ZNF415: variants seen among roughly 807,000 people sequenced by gnomAD.
ZNF415 encodes the protein zinc finger protein 415.
In ZNF415, 5 loss-of-function variants were observed where a neutral mutation model predicts 7.3. The observed-to-expected ratio is 0.69, with a 90% CI of 0.36 to 1.44. ZNF415 has a LOEUF of 1.44. Ranked by LOEUF, ZNF415 falls within the 40% of genes most tolerant of loss-of-function variation. The pLI is 0.04. For synonymous variants in ZNF415, 207 were observed against 226.3 expected (o/e 0.91, Z 0.77); for missense variants, 628 against 664.8 (o/e 0.94, Z 0.61).
intron 2 of ZNF415, among the ~76,000 whole-genome samples, chr19:53,120,111 A>G (rs1291639317): frequency 6.6e-6 from 1 of 152,142 alleles, no homozygotes; most frequent in East Asian, 1.9e-4. Flanking sequence ...CCTCCTGAAC[A>G]CAGATGTAAA....
intron 1 of ZNF415, chr19:53,124,347 G>A (rs2088657823): frequency 6.6e-6 from 1 of 152,492 alleles, no homozygotes; most frequent in East Asian, 1.9e-4. Flanking sequence ...TTAGGGTGGA[G>A]GGTGAAGGGG....
chr19:53,109,532 A>G lies in ZNF415; in HGVS notation c.513T>C (p.His171=), dbSNP rs144475671. The G allele has an allele frequency of 7.9e-4, 1,269 of 1,614,100 alleles. 15 individuals carry two copies. The African/African-American group carries it at 0.015, about 19-fold the overall frequency. The change falls in exon 4 of 4, where the codon CAT becomes CAC. Residue 171 remains histidine, a synonymous_variant. Transcript: ENST00000243643. ...ECNHVEKSVN[H]GSSVSPPQII... is the part of the protein sequence containing the mutation. Reference sequence around the variant, plus strand: ...TTTGGGGTGGTGAAACTGAGGAACCATGGTTGACAGACTTCTCAACATGGT... The same window carrying G: ...TTTGGGGTGGTGAAACTGAGGAACCGTGGTTGACAGACTTCTCAACATGGT...
In ZNF415 at chr19:53,113,537, G is replaced by C. The variant is rs1484197352; in HGVS notation, c.136+2776C>G. Among the ~76,000 whole-genome samples the C allele has an allele frequency of 1.4e-4, 20 of 144,072 alleles. 3 individuals are homozygous for C. Among genetic ancestry groups the C allele is most frequent in the Admixed American group, 4.1e-4 (6 of 14,476 alleles). 94.5% of individuals were successfully genotyped at this position (144,072 alleles called of 152,430 possible). On this transcript the variant is annotated intron_variant, in intron 3 of 3. Coordinates refer to ENST00000243643, the MANE Select transcript of ZNF415 (RefSeq NM_018355.4). ...AAAAAAAAAAAAAAAAAAAAAAACC[G>C]AGGCATTACAGCAGTGTAAAGCAAA...
At position 53,109,743 on chromosome 19, in the gene ZNF415, C is replaced by G; in HGVS notation, c.302G>C (p.Arg101Thr). 1 of 1,614,056 alleles carries G rather than the reference C, an allele frequency of 6.2e-7. No homozygotes were observed. Among genetic ancestry groups the G allele is most frequent in the Non-Finnish European group, 8.5e-7 (1 of 1,179,998 alleles). The change falls in exon 4 of 4, where the codon AGA becomes ACA. Residue 101 changes from arginine to threonine, a missense_variant. Physicochemically the swap from Arg to Thr is moderately conservative, Grantham distance 71. Coordinates refer to ENST00000243643, the MANE Select transcript of ZNF415 (RefSeq NM_018355.4). ...TTTGTTGCAATTTCTTTCATCATCT[C>G]TCCACTGACAGTCAAAGTCGTGTAT... ...KKIHDFDCQWRDDERNCNKVT... is the reference protein window; with the variant it reads ...KKIHDFDCQWTDDERNCNKVT...
intron 1 of ZNF415, chr19:53,129,851 G>A (rs530117076): frequency 8.1e-6 from 3 of 370,086 alleles, no homozygotes; most frequent in Non-Finnish European, 1.4e-5. Context: ...ATTACTTGAG[G>A]CCAGGAGTTT....
At chr19:53,121,872 C>T (rs528428655) in intron 2 of ZNF415, among the ~76,000 whole-genome samples, 7 of 152,188 alleles carry the variant, frequency 4.6e-5, no homozygotes, top group African/African-American at 1.4e-4. Context: ...CTAGTTTTAT[C>T]TGGATTACAA....
At chr19:53,114,179 G>C (rs578068835) in intron 3 of ZNF415, among the ~76,000 whole-genome samples, 3 of 152,168 alleles carry the variant, frequency 2.0e-5, no homozygotes, top group Non-Finnish European at 4.4e-5. Flanking sequence ...ATCAAAAGCT[G>C]GGTTTGTTTT....
chr19:53,131,323 G>C (rs116868150), intron 1 of ZNF415, among the ~76,000 whole-genome samples: 2,649 of 152,086 alleles, frequency 0.017, 35 homozygotes, highest in Non-Finnish European at 0.026. Flanking sequence ...AATGAGTCAA[G>C]TCACTTCCCT....
chr19:53,115,546 G>A lies in ZNF415; in HGVS notation c.136+767C>T, dbSNP rs553107358. ...ACAGCAAAAGGATCAACTATGACACGTCTCAAGAGCAGAGGGAGAAGTAGG... is the reference window on the plus strand; with the variant it reads ...ACAGCAAAAGGATCAACTATGACACATCTCAAGAGCAGAGGGAGAAGTAGG... On this transcript the variant is annotated intron_variant, in intron 3 of 3. Transcript: ENST00000243643. 1.2e-4 allele frequency among the ~76,000 whole-genome samples: 19 copies of A among 152,242 alleles called. No individual in the cohort carries two copies. The East Asian group carries it at 1.4e-3, about 11-fold the overall frequency.
In ZNF415 at chr19:53,109,609, G is replaced by A; in HGVS notation, c.436C>T (p.His146Tyr). 1 of 1,614,156 alleles carries A rather than the reference G, an allele frequency of 6.2e-7. No individual in the cohort carries two copies. ...TGAAACTGCTGCAGTTCATGGGGAT[G>A]TGGTAGAAAGCTTAATCCAAGCTGA... ...KHQLGLSFLPHPHELQQFQAE... is the reference protein window; with the variant it reads ...KHQLGLSFLPYPHELQQFQAE... Residue 146 changes from histidine (H) to tyrosine (Y), a missense_variant, in exon 4 of 4, where the codon CAT becomes TAT. His to Tyr is a moderately conservative substitution (Grantham distance 83). Coordinates refer to ENST00000243643, the MANE Select transcript of ZNF415 (RefSeq NM_018355.4).
intron 1 of ZNF415, among the ~76,000 whole-genome samples, chr19:53,130,986 G>A (rs959836544): frequency 8.0e-5 from 12 of 149,318 alleles, no homozygotes; most frequent in Non-Finnish European, 1.8e-4. Flanking sequence ...TGTCCAATCC[G>A]CAGCCCAGGA....
At chr19:53,113,934 G>A (rs1369428241) in intron 3 of ZNF415, among the ~76,000 whole-genome samples, 4 of 152,302 alleles carry the variant, frequency 2.6e-5, no homozygotes, top group South Asian at 2.1e-4. Flanking sequence ...AGTCAGGCTC[G>A]CCTGATATTT....
chr19:53,127,870 C>T (rs893587710), intron 1 of ZNF415, among the ~76,000 whole-genome samples: 17 of 119,034 alleles, frequency 1.4e-4, no homozygotes, highest in Non-Finnish European at 2.3e-4. Flanking sequence ...AGCGAGACAC[C>T]GTCTCAAAAA....
chr19:53,113,228 G>GAAAAAAA lies in ZNF415; in HGVS notation c.136+3084_136+3085insTTTTTTT, dbSNP rs1479406502. 6.8e-4 allele frequency among the ~76,000 whole-genome samples: 19 copies of GAAAAAAA among 27,994 alleles called. 2 individuals carry two copies. Among genetic ancestry groups the GAAAAAAA allele is most frequent in the African/African-American group, 2.3e-3 (18 of 7,994 alleles). The allele number at this position is 27,994 out of a possible 152,430, so 18.4% of individuals were successfully genotyped here. A position where few individuals can be genotyped will look rare whatever the true frequency, so the allele number is the denominator to read the frequency against. ...CTGGACTTTAAAAACCGAGGCATTG[G>GAAAAAAA]CCGGGCGCGGTGGCTCACGCCTGTA... On this transcript the variant is annotated intron_variant, in intron 3 of 3. Transcript: ENST00000243643.
At chr19:53,127,176 C>T (rs1012825982) in intron 1 of ZNF415, among the ~76,000 whole-genome samples, 1 of 149,116 alleles carries the variant, frequency 6.7e-6, no homozygotes, top group Non-Finnish European at 1.5e-5. Flanking sequence ...CCCACAGACG[C>T]CCCCACAACA....
chr19:53,109,066 G>A lies in ZNF415; in HGVS notation c.979C>T (p.Pro327Ser). The change falls in exon 4 of 4, where the codon CCT becomes TCT. Residue 327 changes from proline to serine, a missense_variant. By Grantham distance (74) the Pro-to-Ser change is moderately conservative. Transcript: ENST00000243643. ...LHQKTHIGEK[P>S]YTCKECGKAF... ...TTGCCACACTCTTTACATGTGTAAG[G>A]TTTCTCTCCAATATGAGTTTTCTGA... is the stretch of plus-strand genomic sequence containing the variant. The A allele has an allele frequency of 1.9e-6, 3 of 1,612,384 alleles. No homozygotes were observed. The highest frequency in any genetic ancestry group is 1.7e-6 in the Non-Finnish European group (2 of 1,178,624).
chr19:53,109,131 C>G lies in ZNF415; in HGVS notation c.914G>C (p.Cys305Ser). 6.2e-7 allele frequency: 1 copy of G among 1,614,096 alleles called. No homozygotes were observed. Among genetic ancestry groups the G allele is most frequent in the Non-Finnish European group, 8.5e-7 (1 of 1,180,032 alleles). Residue 305 changes from cysteine to serine, a missense_variant, in exon 4 of 4, where the codon TGT (cysteine) becomes TCT (serine). Physicochemically the swap from Cys to Ser is moderately radical, Grantham distance 112 (BLOSUM62 -1). Transcript: ENST00000243643. ...TGEKPYKCYE[C>S]DKVFSRNSCL... Reference sequence around the variant, plus strand: ...TGAATTTCGACTGAAGACCTTGTCACACTCATAACATTTGTAAGGTTTCTC... The same window carrying G: ...TGAATTTCGACTGAAGACCTTGTCAGACTCATAACATTTGTAAGGTTTCTC...
At position 53,116,844 on chromosome 19, in the gene ZNF415, C is replaced by G. The variant is rs141139451; in HGVS notation, c.16-411G>C. ...AAAATTTCAGAACTTGAAGACAGGT[C>G]TTTTGAAATAAACGAGTCAGACAAA... On this transcript the variant is annotated intron_variant, in intron 2 of 3. Transcript: ENST00000243643. Among the ~76,000 whole-genome samples the G allele has an allele frequency of 4.5e-4, 69 of 151,946 alleles. 1 individual carries two copies. The East Asian group carries it at 0.012, about 27-fold the overall frequency.
At chr19:53,112,528 G>A (rs2086382894) in intron 3 of ZNF415, among the ~76,000 whole-genome samples, 1 of 152,194 alleles carries the variant, frequency 6.6e-6, no homozygotes, top group East Asian at 1.9e-4. Flanking sequence ...GATTTAGGCA[G>A]ATCCTGACTT....
Sources: allele counts gnomAD v4.1 joint callset (sites outside exome capture counted in the v4.1 genomes callset), GRCh38; gene constraint gnomAD v4.1.1; transcripts MANE v1.5; gene names NCBI Gene and HGNC (gene_info 2026-07-23, HGNC 2026-07-21).